The following H2BC5 variants were observed in gnomAD, a reference collection of about 807,000 sequenced individuals.
H2BC5 encodes the protein histone H2B type 1-D.
A neutral mutation model predicts 5.7 loss-of-function variants in H2BC5; 9 were observed. The ratio of observed to expected loss-of-function variants is 1.57; its 90% confidence interval spans 0.95 to 2.74. The LOEUF (loss-of-function observed/expected upper bound fraction) is 2.74. Among genes scored for constraint, H2BC5 ranks in the 30% most tolerant of loss-of-function variants. The pLI is 0.00. For missense variants in H2BC5, 175 were observed against 168.8 expected (o/e 1.04, Z -0.20); for synonymous variants, 133 against 70.9 (o/e 1.88, Z -4.40).
At chr6:26,159,827 C>G (rs1764323825), downstream of H2BC5, among the ~76,000 whole-genome samples, 1 of 152,098 alleles carries the variant, frequency 6.6e-6, no homozygotes, top group African/African-American at 2.4e-5. Context: ...TAAATAAAAG[C>G]CTGAGTAATA....
At chr6:26,159,451 A>T (rs945665810), downstream of H2BC5, among the ~76,000 whole-genome samples, 1 of 152,074 alleles carries the variant, frequency 6.6e-6, no homozygotes, top group Admixed American at 6.6e-5. Flanking sequence ...AAAGGGAAAG[A>T]AAACCTCCTT....
chr6:26,161,688 C>G (rs1391758590), downstream of H2BC5, among the ~76,000 whole-genome samples: 2 of 152,116 alleles, frequency 1.3e-5, no homozygotes, highest in African/African-American at 2.4e-5. Flanking sequence ...GAGAGAATCA[C>G]TTGAGCTAGG....
At chr6:26,159,243 GTTTTTTTTT>G (rs35999697), downstream of H2BC5, among the ~76,000 whole-genome samples, 20 of 61,442 alleles carry the variant, frequency 3.3e-4, no homozygotes, top group East Asian at 2.3e-3. Flanking sequence ...TAATTTATAG[GTTTTTTTTT>G]TTTTTTTTTT....
At chr6:26,165,418 C>T (rs1764407165) in intron 1 of H2BC5, among the ~76,000 whole-genome samples, 1 of 152,108 alleles carries the variant, frequency 6.6e-6, no homozygotes, top group Non-Finnish European at 1.5e-5. Context: ...AAGCTGACAT[C>T]CTGTGTCTGT....
downstream of H2BC5, among the ~76,000 whole-genome samples, chr6:26,159,363 CGCAGGACTGAAG>C (rs1764314418): frequency 7.1e-6 from 1 of 139,910 alleles, no homozygotes; most frequent in African/African-American, 2.7e-5. Context: ...CAATAGTTAT[CGCAGGACTGAAG>C]CCCCCTTTGC....
rs111380779 is a variant in H2BC5, at chr6:26,170,650, T to C, written c.*10-325T>C. On this transcript the variant is annotated intron_variant, in intron 1 of 1. Transcript: ENST00000289316. ...ACAGTTATTATATTTTCCTTTTCAC[T>C]GAGTTAAAATAAAAATCAGAGTGTT... Among the ~76,000 whole-genome samples, 351 of 152,336 alleles carry C rather than the reference T, an allele frequency of 2.3e-3. 3 individuals are homozygous for C. Among genetic ancestry groups the C allele is most frequent in the Non-Finnish European group, 3.5e-3 (241 of 68,020 alleles).
downstream of H2BC5, chr6:26,158,778 G>C (rs917305686): frequency 1.0e-5 from 7 of 672,932 alleles, no homozygotes; most frequent in African/African-American, 1.3e-4. Flanking sequence ...GTATTAGATC[G>C]TTAGCTCATT....
chr6:26,168,209 A>G (rs1764463467), intron 1 of H2BC5, among the ~76,000 whole-genome samples: 1 of 152,144 alleles, frequency 6.6e-6, no homozygotes, highest in Non-Finnish European at 1.5e-5. Context: ...CTGTAATACC[A>G]GCACTTTGGG....
intron 1 of H2BC5, among the ~76,000 whole-genome samples, chr6:26,167,049 C>CTTTTTTTTTTT (rs149341201): frequency 2.5e-4 from 24 of 97,034 alleles, no homozygotes; most frequent in East Asian, 1.0e-3. Context: ...TTTGTTTTCT[C>CTTTTTTTTTTT]TTTTTTTTTT....
rs1023941921 is a variant in H2BC5 at position 26,164,129 on chromosome 6, C to A, written c.*9+5570C>A. 8 of 449,994 alleles carry A rather than the reference C, an allele frequency of 1.8e-5. No homozygotes were observed. The East Asian group carries it at 4.0e-4, about 22-fold the overall frequency. 27.9% of individuals were successfully genotyped at this position (449,994 alleles called of 1,614,324 possible). On this transcript the variant is annotated intron_variant, in intron 1 of 1. Transcript: ENST00000289316. ...AAGTCTTGAAGACTTCTGAGTAGAT[C>A]CCCCCGTGGGTGAGGAGGCCAACCA...
At chr6:26,158,683 T>A, downstream of H2BC5, 1 of 1,350,636 alleles carries the variant, frequency 7.4e-7, no homozygotes, top group Non-Finnish European at 1.0e-6. Flanking sequence ...TACCAATCTT[T>A]AATGTTACGT....
chr6:26,163,090 T>C (rs1764373854), downstream of H2BC5, among the ~76,000 whole-genome samples: 1 of 151,512 alleles, frequency 6.6e-6, no homozygotes, highest in South Asian at 2.1e-4. Context: ...TTTTTTTCCA[T>C]TTCTATTTGC....
downstream of H2BC5, among the ~76,000 whole-genome samples, chr6:26,161,747 G>T (rs1764354706): frequency 6.6e-6 from 1 of 152,068 alleles, no homozygotes; most frequent in Non-Finnish European, 1.5e-5. Flanking sequence ...ACTCCAGCCT[G>T]GGCAATGAGA....
downstream of H2BC5, among the ~76,000 whole-genome samples, chr6:26,159,458 CCTT>C (rs1425335930): frequency 1.3e-5 from 2 of 151,948 alleles, no homozygotes; most frequent in Non-Finnish European, 1.5e-5. Context: ...AAGAAAACCT[CCTT>C]CTGGCAGGAT....
chr6:26,158,696 G>C (rs1764285934), downstream of H2BC5: 3 of 1,270,666 alleles, frequency 2.4e-6, no homozygotes, highest in Admixed American at 2.8e-5. Flanking sequence ...TGTTACGTTA[G>C]TACTGCAGAG....
Position 26,158,220 on chromosome 6 carries a change from G to T in H2BC5, c.51G>T (p.Lys17Asn). ...SAPAPKKGSK[K>N]AVTKAQKKDG... Reference sequence around the variant, plus strand: ...CTGCCCCAAAGAAGGGCTCCAAGAAGGCGGTGACTAAGGCTCAGAAGAAGG... The same window carrying T: ...CTGCCCCAAAGAAGGGCTCCAAGAATGCGGTGACTAAGGCTCAGAAGAAGG... The change falls in exon 1 of 1, where the codon AAG becomes AAT. Residue 17 changes from lysine (K) to asparagine (N), a missense_variant. Coordinates refer to ENST00000377777, the MANE Select transcript of H2BC5 (RefSeq NM_021063.4). 6.2e-7 allele frequency: 1 copy of T among 1,614,224 alleles called. No individual in the cohort carries two copies. The highest frequency in any genetic ancestry group is 8.5e-7 in the Non-Finnish European group (1 of 1,180,046).
At chr6:26,164,647 C>A (rs1482506106) in intron 1 of H2BC5, among the ~76,000 whole-genome samples, 3 of 151,318 alleles carry the variant, frequency 2.0e-5, no homozygotes, top group African/African-American at 7.3e-5. Context: ...TCTGGATTAC[C>A]AAAATCTGCA....
At chr6:26,167,049 C>CTTTTTTTTTT (rs149341201) in intron 1 of H2BC5, among the ~76,000 whole-genome samples, 64 of 97,018 alleles carry the variant, frequency 6.6e-4, no homozygotes, top group Non-Finnish European at 8.3e-4. Context: ...TTTGTTTTCT[C>CTTTTTTTTTT]TTTTTTTTTT....
chr6:26,166,301 C>T (rs1434598662), intron 1 of H2BC5, among the ~76,000 whole-genome samples: 1 of 152,172 alleles, frequency 6.6e-6, no homozygotes, highest in Non-Finnish European at 1.5e-5. Flanking sequence ...TTCCTATGAC[C>T]CATGTCTCAA....
Sources: gnomAD v4.1 joint callset for allele counts (sites outside exome capture counted in the v4.1 genomes callset) on GRCh38, gnomAD v4.1.1 for gene constraint, MANE v1.5 for transcripts, NCBI Gene and HGNC (gene_info 2026-07-23, HGNC 2026-07-21) for gene names.